TMEM131L: variants seen among roughly 807,000 people sequenced by gnomAD.
TMEM131L encodes the protein transmembrane protein 131-like.
Under a neutral mutation model 192.2 loss-of-function variants are expected in TMEM131L, and 54 were observed. The ratio of observed to expected loss-of-function variants is 0.28; its 90% CI spans 0.23 to 0.35. The LOEUF is 0.35. Among genes scored for constraint, TMEM131L ranks in the 10% least tolerant of loss-of-function variants. The probability of loss-of-function intolerance (pLI) is 1.00; values close to 1 mark genes in which losing one functional copy is unlikely to be tolerated. For missense variants in TMEM131L, 1,888 were observed against 1,972.9 expected (o/e 0.96, Z 0.82); for synonymous variants, 701 against 704.9 (o/e 0.99, Z 0.09).
chr4:153,502,135 G>A (rs1733655509), intron 3 of TMEM131L, among the ~76,000 whole-genome samples: 1 of 151,762 alleles, frequency 6.6e-6, no homozygotes, highest in Non-Finnish European at 1.5e-5. Flanking sequence ...GTAGAGATGA[G>A]TTTTCACCGT....
At chr4:153,627,537 T>TTATA in intron 30 of TMEM131L, 68 bp from the exon 31 acceptor site, 1 of 1,197,070 alleles carries the variant, frequency 8.4e-7, no homozygotes, top group Non-Finnish European at 1.2e-6. Context: ...TCAGACGTGG[T>TTATA]TATACAATAT....
Position 153,585,552 on chromosome 4 carries a change from G to T in TMEM131L, c.1252G>T (p.Asp418Tyr), listed in dbSNP as rs763681554. 6.2e-7 allele frequency: 1 copy of T among 1,614,022 alleles called. No individual in the cohort carries two copies. The highest frequency in any genetic ancestry group is 8.5e-7 in the Non-Finnish European group (1 of 1,179,956). Reference sequence around the variant, plus strand: ...GTCAATATGGTACCGCAACCATTTTGACCGTAGTGTTGTATTAAATGATGT... The same window carrying T: ...GTCAATATGGTACCGCAACCATTTTTACCGTAGTGTTGTATTAAATGATGT... ...LWSIWYRNHF[D>Y]RSVVLNDVFL... Residue 418 changes from aspartate to tyrosine, a missense_variant, in exon 13 of 35, where the codon GAC becomes TAC. Coordinates refer to ENST00000409959, the MANE Select transcript of TMEM131L (RefSeq NM_001131007.2).
At chr4:153,615,576 A>G (rs1266227786) in intron 26 of TMEM131L, among the ~76,000 whole-genome samples, 2 of 152,228 alleles carry the variant, frequency 1.3e-5, no homozygotes, top group African/African-American at 4.8e-5. Context: ...GATAGGGCAC[A>G]CTTTCAGGAG....
chr4:153,519,034 G>A (rs1287663807), intron 3 of TMEM131L, among the ~76,000 whole-genome samples: 1 of 152,108 alleles, frequency 6.6e-6, no homozygotes, highest in African/African-American at 2.4e-5. Context: ...GTCTTTATGT[G>A]TAATACTTTT....
At chr4:153,600,358 C>T (rs1167521697) in intron 21 of TMEM131L, among the ~76,000 whole-genome samples, 1 of 142,970 alleles carries the variant, frequency 7.0e-6, no homozygotes, top group Non-Finnish European at 1.5e-5. Context: ...CAGAGTGAGA[C>T]CCTGTCTCAG....
rs1294055699 is a variant in TMEM131L, at chr4:153,485,728, CT to C, written c.239+11842del. Reference sequence around the variant, plus strand: ...AGTATGCATTTTTGGTGGAGTAATTCTTCTAGGATTGTAATTAATCCTGTTT... The same window carrying C: ...AGTATGCATTTTTGGTGGAGTAATTCTCTAGGATTGTAATTAATCCTGTTT... On this transcript the variant is annotated intron_variant, in intron 3 of 34. Coordinates refer to ENST00000409959, the MANE Select transcript of TMEM131L (RefSeq NM_001131007.2). Among the ~76,000 whole-genome samples the C allele has an allele frequency of 5.3e-5, 8 of 152,134 alleles. No individual in the cohort carries two copies. The East Asian group carries it at 1.5e-3, about 29-fold the overall frequency.
intron 2 of TMEM131L, among the ~76,000 whole-genome samples, chr4:153,471,009 C>G (rs1420549789): frequency 6.8e-6 from 1 of 146,602 alleles, no homozygotes; most frequent in East Asian, 2.0e-4. Context: ...TTTTTTGAGA[C>G]TGAGTGTTGC....
intron 3 of TMEM131L, among the ~76,000 whole-genome samples, chr4:153,482,631 G>T (rs1732027695): frequency 6.6e-6 from 1 of 152,086 alleles, no homozygotes; most frequent in Non-Finnish European, 1.5e-5. Context: ...TTGCTCTGTT[G>T]CCCAGGCTGG....
intron 3 of TMEM131L, among the ~76,000 whole-genome samples, chr4:153,486,649 C>T (rs1732353494): frequency 6.6e-6 from 1 of 152,176 alleles, no homozygotes; most frequent in South Asian, 2.1e-4. Flanking sequence ...AGCCTCCCAG[C>T]CTCCCACCTG....
chr4:153,602,775 TC>T (rs1731936660), intron 23 of TMEM131L, 48 bp downstream of exon 23: 2 of 1,560,748 alleles, frequency 1.3e-6, no homozygotes, highest in Non-Finnish European at 1.8e-6. Flanking sequence ...AGAGAAGTCA[TC>T]CAGGCAAGTT....
intron 12 of TMEM131L, 35 bp from the exon 13 acceptor site, chr4:153,585,423 T>C (rs772197526): frequency 6.2e-7 from 1 of 1,609,102 alleles, no homozygotes; most frequent in South Asian, 1.1e-5. Flanking sequence ...TGTCCCACAC[T>C]CAGGCCTGAT....
intron 7 of TMEM131L, among the ~76,000 whole-genome samples, chr4:153,568,188 A>C (rs73856917): frequency 6.6e-5 from 10 of 152,050 alleles, no homozygotes; most frequent in African/African-American, 2.4e-4. Context: ...ACTTGGGAAG[A>C]GGGGAGGTAG....
intron 3 of TMEM131L, among the ~76,000 whole-genome samples, chr4:153,485,270 C>CTAACA (rs1253872679): frequency 6.6e-6 from 1 of 152,000 alleles, no homozygotes; most frequent in Non-Finnish European, 1.5e-5. Flanking sequence ...GTTGCCTTCT[C>CTAACA]TAACATACAT....
chr4:153,537,655 G>A (rs376850451), intron 3 of TMEM131L, among the ~76,000 whole-genome samples: 39 of 152,238 alleles, frequency 2.6e-4, no homozygotes, highest in African/African-American at 5.8e-4. Flanking sequence ...GGTTTCGGCC[G>A]GCTTCTTTAC....
intron 3 of TMEM131L, among the ~76,000 whole-genome samples, chr4:153,496,644 A>G (rs1449212461): frequency 6.6e-6 from 1 of 151,912 alleles, no homozygotes; most frequent in East Asian, 1.9e-4. Context: ...CTGTGGCCCC[A>G]CCTCTCAGGC....
At chr4:153,625,549 T>C (rs9654235) in intron 29 of TMEM131L, among the ~76,000 whole-genome samples, 75,813 of 151,892 alleles carry the variant, frequency 0.5, 19,610 homozygotes, top group African/African-American at 0.62. Context: ...TATATAATAG[T>C]AGGGAAATGT....
chr4:153,617,901 T>C (rs896845834), intron 26 of TMEM131L, among the ~76,000 whole-genome samples: 1 of 152,040 alleles, frequency 6.6e-6, no homozygotes, highest in African/African-American at 2.4e-5. Context: ...TTTCATGAAT[T>C]TATATTTCAT....
At position 153,604,109 on chromosome 4, in the gene TMEM131L, C is replaced by T. The variant is rs953492231; in HGVS notation, c.3097C>T (p.Leu1033Phe). 2.5e-6 allele frequency: 4 copies of T among 1,614,178 alleles called. No homozygotes were observed. The highest frequency in any genetic ancestry group is 8.5e-7 in the Non-Finnish European group (1 of 1,180,022). Residue 1033 changes from leucine (L) to phenylalanine (F), a missense_variant, in exon 25 of 35, where the codon CTC becomes TTC. Leu to Phe is a conservative substitution (Grantham distance 22). Coordinates refer to ENST00000409959, the MANE Select transcript of TMEM131L (RefSeq NM_001131007.2). ...TGCCATGCGTGAGAACTGGATCAGC[C>T]TCAGATATGCAAGTGGCATAAATGT... is the stretch of plus-strand genomic sequence containing the variant. ...TDAMRENWIS[L>F]RYASGINVNL...
intron 3 of TMEM131L, among the ~76,000 whole-genome samples, chr4:153,475,188 C>T (rs1482093703): frequency 1.3e-5 from 2 of 152,174 alleles, no homozygotes; most frequent in Non-Finnish European, 2.9e-5. Flanking sequence ...GTGATCCACT[C>T]TGATTGGATG....
Sources: gnomAD v4.1 joint callset for allele counts (sites outside exome capture counted in the v4.1 genomes callset) on GRCh38, gnomAD v4.1.1 for gene constraint, MANE v1.5 for transcripts, NCBI Gene and HGNC (gene_info 2026-07-23, HGNC 2026-07-21) for gene names.